CAMK1D: variants seen among roughly 807,000 people sequenced by gnomAD.
CAMK1D encodes the protein calcium/calmodulin dependent protein kinase ID, also known as calcium/calmodulin-dependent protein kinase type 1D.
A neutral mutation model predicts 47.7 loss-of-function variants in CAMK1D; 9 were observed. That is an observed-to-expected ratio of 0.19 (90% CI 0.11 to 0.33). The LOEUF (loss-of-function observed/expected upper bound fraction) is 0.33, where lower values mean the gene tolerates loss of function less well. Ranked by LOEUF, CAMK1D falls within the 10% of genes least tolerant of loss-of-function variation. The pLI is 1.00. For missense variants in CAMK1D, 291 were observed against 488.7 expected (o/e 0.60, Z 3.81); for synonymous variants, 184 against 184.9 (o/e 0.99, Z 0.04).
intron 3 of CAMK1D, among the ~76,000 whole-genome samples, chr10:12,688,508 G>GT (rs551062540): frequency 5.0e-4 from 76 of 151,364 alleles, no homozygotes; most frequent in African/African-American, 1.3e-3. Context: ...AATTTTACCA[G>GT]TTTTTTTTTC....
At chr10:12,815,221 A>G (rs1023355975) in intron 7 of CAMK1D, among the ~76,000 whole-genome samples, 2 of 152,212 alleles carry the variant, frequency 1.3e-5, no homozygotes, top group Non-Finnish European at 2.9e-5. Flanking sequence ...GAAAAAGATC[A>G]AAACCAAGGC....
At chr10:12,368,212 A>T (rs796958453) in intron 1 of CAMK1D, among the ~76,000 whole-genome samples, 6 of 147,964 alleles carry the variant, frequency 4.1e-5, no homozygotes, top group African/African-American at 1.5e-4. Context: ...AAAAAAAAAA[A>T]AATAAAATAA....
chr10:12,757,704 T>G (rs1395079403), intron 3 of CAMK1D, among the ~76,000 whole-genome samples: 3 of 152,194 alleles, frequency 2.0e-5, no homozygotes, highest in Non-Finnish European at 2.9e-5. Context: ...ACGTCTGAGA[T>G]CAGGGTGCTA....
chr10:12,644,356 TAA>T (rs1284362704), intron 2 of CAMK1D, among the ~76,000 whole-genome samples: 1 of 152,258 alleles, frequency 6.6e-6, no homozygotes, highest in African/African-American at 2.4e-5. Flanking sequence ...AGGATTATGT[TAA>T]GTGACTAAGC....
At chr10:12,489,325 A>C (rs1330253610) in intron 1 of CAMK1D, among the ~76,000 whole-genome samples, 1 of 152,288 alleles carries the variant, frequency 6.6e-6, no homozygotes, top group Admixed American at 6.5e-5. Context: ...GCCTGAGAAC[A>C]TGTGCTTAGA....
intron 1 of CAMK1D, among the ~76,000 whole-genome samples, chr10:12,541,465 GC>G (rs1836168475): frequency 6.6e-6 from 1 of 152,156 alleles, no homozygotes; most frequent in South Asian, 2.1e-4. Flanking sequence ...CTGGGTTCAA[GC>G]AGTTCTCCTG....
chr10:12,684,893 A>G (rs1832591639), intron 3 of CAMK1D, among the ~76,000 whole-genome samples: 1 of 152,234 alleles, frequency 6.6e-6, no homozygotes, highest in African/African-American at 2.4e-5. Flanking sequence ...TGGTTCATAT[A>G]TAATGCTCCA....
At chr10:12,563,360 A>C (rs1013161227) in intron 2 of CAMK1D, among the ~76,000 whole-genome samples, 6 of 152,202 alleles carry the variant, frequency 3.9e-5, no homozygotes, top group Non-Finnish European at 7.3e-5. Context: ...TCTCTAAAAA[A>C]AAAGGGAAGA....
Position 12,601,778 on chromosome 10 carries a change from A to T in CAMK1D, c.224+48422A>T, listed in dbSNP as rs77582716. On this transcript the variant is annotated intron_variant, in intron 2 of 10. Coordinates refer to ENST00000619168, the MANE Select transcript of CAMK1D (RefSeq NM_153498.4). ...TGCCCAGCCTCAGTTCATTTCTTAA[A>T]GAGACAAATTCTAAACACAGTGGCA... Among the ~76,000 whole-genome samples the T allele has an allele frequency of 3.4e-3, 518 of 152,344 alleles. 3 individuals carry two copies. In the East Asian group the frequency reaches 0.043, roughly 13 times the overall value.
chr10:12,580,134 C>T (rs1016327140), intron 2 of CAMK1D, among the ~76,000 whole-genome samples: 12 of 152,096 alleles, frequency 7.9e-5, no homozygotes, highest in African/African-American at 2.9e-4. Flanking sequence ...AGCCAGAATT[C>T]CCTGGTGAGA....
intron 5 of CAMK1D, among the ~76,000 whole-genome samples, chr10:12,781,900 A>T (rs572036462): frequency 6.6e-6 from 1 of 151,938 alleles, no homozygotes; most frequent in East Asian, 1.9e-4. Context: ...CACCGGCCTC[A>T]GCTTCCCAAA....
At chr10:12,794,631 C>T (rs1166922700) in intron 6 of CAMK1D, among the ~76,000 whole-genome samples, 1 of 152,158 alleles carries the variant, frequency 6.6e-6, no homozygotes, top group Non-Finnish European at 1.5e-5. Context: ...TTCCTGGTCA[C>T]ACTAGCTTTG....
In CAMK1D at chr10:12,767,400, C is replaced by T. The variant is rs564731016; in HGVS notation, c.439-2273C>T. The stretch of plus-strand genomic sequence containing the variant: ...CCATGTTGGTCAGGCTGGTCTTGAA[C>T]TCCTAACCTCAGGTGATCCCCTCTC... On this transcript the variant is annotated intron_variant, in intron 4 of 10. Coordinates refer to ENST00000619168, the MANE Select transcript of CAMK1D (RefSeq NM_153498.4). Among the ~76,000 whole-genome samples, 8 of 152,262 alleles carry T rather than the reference C, an allele frequency of 5.3e-5. 2 individuals carry two copies. Among genetic ancestry groups the T allele is most frequent in the Admixed American group, 5.2e-4 (8 of 15,294 alleles).
At chr10:12,652,425 CAAA>C (rs35773480) in intron 2 of CAMK1D, among the ~76,000 whole-genome samples, 3 of 123,920 alleles carry the variant, frequency 2.4e-5, no homozygotes, top group African/African-American at 6.3e-5. Flanking sequence ...ACTAAAAATA[CAAA>C]AAAAAAAAAA....
rs1475336070 is a variant in CAMK1D at position 12,832,179 on chromosome 10, C to T, written c.*3292C>T. 1 of 152,532 alleles carries T rather than the reference C, an allele frequency of 6.6e-6. No homozygotes were observed. Among genetic ancestry groups the T allele is most frequent in the Admixed American group, 6.5e-5 (1 of 15,276 alleles). 9.4% of individuals were successfully genotyped at this position (152,532 alleles called of 1,614,324 possible). On this transcript the variant is annotated 3_prime_UTR_variant, in exon 11 of 11. Coordinates refer to ENST00000619168, the MANE Select transcript of CAMK1D (RefSeq NM_153498.4). ...TTTCCCTCAGCTGCCTGTCTGGGCT[C>T]CCTGGCTTCCCGGATCTTCATCTCA...
At chr10:12,678,484 A>C (rs765006004) in intron 3 of CAMK1D, among the ~76,000 whole-genome samples, 2 of 152,228 alleles carry the variant, frequency 1.3e-5, no homozygotes, top group African/African-American at 4.8e-5. Context: ...AGTGCTCTGC[A>C]TATATCTGTT....
intron 2 of CAMK1D, among the ~76,000 whole-genome samples, chr10:12,591,246 A>G (rs1055586062): frequency 6.6e-6 from 1 of 152,216 alleles, no homozygotes; most frequent in African/African-American, 2.4e-5. Context: ...CCAGTCCAGG[A>G]AACCAACCAA....
rs933013922 is a variant in CAMK1D at position 12,638,565 on chromosome 10, C to T, written c.225-28171C>T. On this transcript the variant is annotated intron_variant, in intron 2 of 10. Transcript: ENST00000619168. ...CCATCCGGAAGCCTTCCCTTGGCCC[C>T]CGACCCTGGCCAGCCTCCCCCTTTG... 9.9e-5 allele frequency among the ~76,000 whole-genome samples: 15 copies of T among 152,116 alleles called. 1 individual carries two copies. Among genetic ancestry groups the T allele is most frequent in the African/African-American group, 3.6e-4 (15 of 41,422 alleles).
At chr10:12,468,061 A>C (rs1833642592) in intron 1 of CAMK1D, among the ~76,000 whole-genome samples, 1 of 152,044 alleles carries the variant, frequency 6.6e-6, no homozygotes, top group Non-Finnish European at 1.5e-5. Flanking sequence ...ACGCTTTTTA[A>C]TTTTTATGTT....
Sources: gnomAD v4.1 joint callset for allele counts (sites outside exome capture counted in the v4.1 genomes callset) on GRCh38, gnomAD v4.1.1 for gene constraint, MANE v1.5 for transcripts, NCBI Gene and HGNC (gene_info 2026-07-23, HGNC 2026-07-21) for gene names.